The following COL4A6 variants were observed in gnomAD, a reference collection of about 807,000 sequenced individuals.
The protein encoded by COL4A6 is collagen alpha-6(IV) chain.
In COL4A6, 59 loss-of-function variants were observed where a neutral mutation model predicts 126.7. The observed-to-expected ratio is 0.47, with a 90% CI of 0.38 to 0.58. The LOEUF (loss-of-function observed/expected upper bound fraction) is 0.58. Ranked by LOEUF, COL4A6 falls within the 20% of genes least tolerant of loss-of-function variation. The pLI is 0.00. For missense variants in COL4A6, 1,285 were observed against 1,337.3 expected, an observed-to-expected ratio of 0.96 and a Z score of 0.61; for synonymous variants, 547 against 496.6, an observed-to-expected ratio of 1.10 and a Z score of -1.35.
At chrX:108,385,182 T>C (rs1372893887) in intron 2 of COL4A6, among the ~76,000 whole-genome samples, 1 of 110,091 alleles carries the variant, frequency 9.1e-6, no homozygotes, top group African/African-American at 3.3e-5. Flanking sequence ...GTTTTGCCTT[T>C]TTGATAGTAC....
intron 7 of COL4A6, 48 bp downstream of exon 7, chrX:108,211,624 G>C: frequency 3.5e-6 from 4 of 1,141,241 alleles, no homozygotes; most frequent in South Asian, 1.9e-5. Context: ...CCAATGCTGG[G>C]GAACCCAGCT....
chrX:108,278,819 G>A (rs1330500184), intron 3 of COL4A6, among the ~76,000 whole-genome samples: 2 of 110,878 alleles, frequency 1.8e-5, no homozygotes, highest in Non-Finnish European at 3.8e-5. Context: ...CAAGCCAGAA[G>A]AGAGTGGGGG....
At chrX:108,194,995 T>C (rs2035167553) in intron 15 of COL4A6, 87 bp downstream of exon 15, 2 of 696,322 alleles carry the variant, frequency 2.9e-6, no homozygotes, top group Non-Finnish European at 4.4e-6. Flanking sequence ...ATAAGTAATG[T>C]CTCCCTTTGG....
chrX:108,375,926 A>T (rs1450044399), intron 2 of COL4A6, among the ~76,000 whole-genome samples: 1 of 111,185 alleles, frequency 9.0e-6, no homozygotes, highest in Non-Finnish European at 1.9e-5. Flanking sequence ...ACCTAAATAA[A>T]CTTTTAAAAT....
intron 2 of COL4A6, among the ~76,000 whole-genome samples, chrX:108,337,784 T>C (rs1039462636): frequency 8.9e-6 from 1 of 112,375 alleles, no homozygotes; most frequent in African/African-American, 3.2e-5. Context: ...TTAGTATTTA[T>C]GATTATCCAT....
intron 2 of COL4A6, among the ~76,000 whole-genome samples, chrX:108,363,125 G>A (rs2040124342): frequency 8.9e-6 from 1 of 112,128 alleles, no homozygotes; most frequent in African/African-American, 3.2e-5. Flanking sequence ...ACGAGAGAGT[G>A]GACTGTATGT....
In COL4A6 at chrX:108,212,570, T is replaced by C. The variant is rs753705112; in HGVS notation, c.442-830A>G. ...GGGCTAAGCTTTGTGGACTGAAGCA[T>C]TTATTGAATGATTGATTCCTTCAGC... On this transcript the variant is annotated intron_variant, in intron 6 of 44. Coordinates refer to ENST00000334504, the MANE Select transcript of COL4A6 (RefSeq NM_033641.4). Among the ~76,000 whole-genome samples, 3 of 112,001 alleles carry C rather than the reference T, an allele frequency of 2.7e-5. No homozygotes were observed. In the Admixed American group the frequency reaches 2.8e-4, roughly 11 times the overall value.
intron 3 of COL4A6, among the ~76,000 whole-genome samples, chrX:108,226,641 C>T (rs1232879114): frequency 9.0e-6 from 1 of 110,650 alleles, no homozygotes; most frequent in Non-Finnish European, 1.9e-5. Context: ...CCAACATGCC[C>T]CAAACTGAAC....
chrX:108,283,610 A>G (rs1266784), intron 3 of COL4A6, among the ~76,000 whole-genome samples: 3 of 107,307 alleles, frequency 2.8e-5, no homozygotes, highest in South Asian at 4.3e-4. Flanking sequence ...GGCGGCGGGG[A>G]TGCGGGGAGT....
intron 2 of COL4A6, among the ~76,000 whole-genome samples, chrX:108,364,839 T>A (rs1347415143): frequency 2.7e-5 from 3 of 111,668 alleles, no homozygotes; most frequent in African/African-American, 9.8e-5. Context: ...ATTTTCTTCA[T>A]CTAATCATCT....
rs1407580306 is a variant in COL4A6, at chrX:108,364,162, A to C, written c.64-53334T>G. ...GCTGGGATTACAGGTGTGAGCCACC[A>C]CGACTGGCCCACAGTAGCCTCTTAA... On this transcript the variant is annotated intron_variant, in intron 2 of 44. Transcript: ENST00000334504. 5.4e-5 allele frequency among the ~76,000 whole-genome samples: 6 copies of C among 111,096 alleles called. No homozygotes were observed. The East Asian group carries it at 1.7e-3, about 31-fold the overall frequency.
At chrX:108,373,213 G>A (rs2040365414) in intron 2 of COL4A6, among the ~76,000 whole-genome samples, 1 of 111,155 alleles carries the variant, frequency 9.0e-6, no homozygotes, top group African/African-American at 3.3e-5. Context: ...GACCAGCTTG[G>A]GCAACATAGC....
intron 33 of COL4A6, 116 bp downstream of exon 33, chrX:108,171,271 A>G (rs2034292809): frequency 3.4e-6 from 2 of 590,672 alleles, no homozygotes; most frequent in African/African-American, 2.2e-5. Context: ...GATAGATAGG[A>G]AATTTTCTGC....
At chrX:108,360,533 C>T (rs1042837506) in intron 2 of COL4A6, among the ~76,000 whole-genome samples, 14 of 95,571 alleles carry the variant, frequency 1.5e-4, no homozygotes, top group Admixed American at 5.3e-4. Context: ...GACACTTTAA[C>T]CTTTTTTTTT....
chrX:108,338,113 C>A (rs904545615), intron 2 of COL4A6, among the ~76,000 whole-genome samples: 1 of 111,393 alleles, frequency 9.0e-6, no homozygotes, highest in Non-Finnish European at 1.9e-5. Flanking sequence ...GGCCAATGAA[C>A]AAGGGATCTG....
At chrX:108,257,373 T>C (rs1042471369) in intron 3 of COL4A6, among the ~76,000 whole-genome samples, 1 of 111,940 alleles carries the variant, frequency 8.9e-6, no homozygotes, top group African/African-American at 3.2e-5. Context: ...GGAGCATATT[T>C]GATCCATGCA....
chrX:108,333,406 G>A (rs1315472632), intron 2 of COL4A6, among the ~76,000 whole-genome samples: 1 of 110,951 alleles, frequency 9.0e-6, no homozygotes, highest in Non-Finnish European at 1.9e-5. Flanking sequence ...AGATGGAGAA[G>A]GAACATACCT....
In COL4A6 at chrX:108,288,471, A is replaced by G. The variant is rs146901375; in HGVS notation, c.144+22277T>C. Among the ~76,000 whole-genome samples, 16 of 111,420 alleles carry G rather than the reference A, an allele frequency of 1.4e-4. No individual in the cohort carries two copies. In the East Asian group the frequency reaches 4.2e-3, roughly 29 times the overall value. On this transcript the variant is annotated intron_variant, in intron 3 of 44. Coordinates refer to ENST00000334504, the MANE Select transcript of COL4A6 (RefSeq NM_033641.4). Reference sequence around the variant, plus strand: ...AATAACCTTTTTCTGAGCATATACTATAGCCTAGGCACTAGGCTAAGTTCT... The same window carrying G: ...AATAACCTTTTTCTGAGCATATACTGTAGCCTAGGCACTAGGCTAAGTTCT...
chrX:108,405,879 G>A (rs1481381714), intron 2 of COL4A6, among the ~76,000 whole-genome samples: 1 of 111,528 alleles, frequency 9.0e-6, no homozygotes, highest in African/African-American at 3.3e-5. Flanking sequence ...TCACTAAGCA[G>A]GAAACCTAAG....
Sources: gnomAD v4.1 joint callset for allele counts (sites outside exome capture counted in the v4.1 genomes callset) on GRCh38, gnomAD v4.1.1 for gene constraint, MANE v1.5 for transcripts, NCBI Gene and HGNC (gene_info 2026-07-23, HGNC 2026-07-21) for gene names.